The following FKBP1B variants were observed in gnomAD, a reference collection of about 807,000 sequenced individuals.
The protein encoded by FKBP1B is peptidyl-prolyl cis-trans isomerase FKBP1B.
In FKBP1B, 4 loss-of-function variants were observed where a neutral mutation model predicts 13.5. That is an observed-to-expected ratio of 0.30 (90% CI 0.15 to 0.68). FKBP1B has a LOEUF of 0.68. Among genes scored for constraint, FKBP1B ranks in the 30% least tolerant of loss-of-function variants. The pLI, the probability that FKBP1B is intolerant of heterozygous loss-of-function variation, is 0.76. For missense variants in FKBP1B, 93 were observed against 136.2 expected (o/e 0.68, Z 1.58); for synonymous variants, 54 against 53.6 (o/e 1.01, Z -0.03).
the FKBP1B span, among the ~76,000 whole-genome samples, chr2:24,037,302 C>T: frequency 6.6e-6 from 1 of 152,212 alleles, no homozygotes; most frequent in Non-Finnish European, 1.5e-5. Context: ...GGATTACAGG[C>T]GTGAGCCATG....
upstream of FKBP1B, chr2:24,049,721 G>A (rs1663754694): frequency 1.4e-6 from 1 of 702,014 alleles, no homozygotes. Context: ...CCCGACTCCA[G>A]CCGCACCTCC....
At chr2:24,039,569 T>C in the FKBP1B span, 5 of 1,503,844 alleles carry the variant, frequency 3.3e-6, no homozygotes, top group East Asian at 1.1e-4. Flanking sequence ...ATCTAGAATG[T>C]AGGACATTTG....
At position 24,053,770 on chromosome 2, in the gene FKBP1B, G is replaced by T. The variant is rs944069540; in HGVS notation, c.38-132G>T. 7 of 864,324 alleles carry T rather than the reference G, an allele frequency of 8.1e-6. No homozygotes were observed. The African/African-American group carries it at 1.1e-4, about 14-fold the overall frequency. 53.5% of individuals were successfully genotyped at this position (864,324 alleles called of 1,614,324 possible). On this transcript the variant is annotated intron_variant, in intron 1 of 3. Coordinates refer to ENST00000380986, the MANE Select transcript of FKBP1B (RefSeq NM_004116.5). ...CTGGCTCGTACAGGGCCCAGAGCCAGAACTAGGGCCACAGGCATCTCCATG... is the reference window on the plus strand; with the variant it reads ...CTGGCTCGTACAGGGCCCAGAGCCATAACTAGGGCCACAGGCATCTCCATG...
At chr2:24,062,771 T>C (rs964833963) in intron 3 of FKBP1B, among the ~76,000 whole-genome samples, 2 of 152,198 alleles carry the variant, frequency 1.3e-5, no homozygotes, top group African/African-American at 4.8e-5. Context: ...TATGAACAAA[T>C]GGAAGTGTTT....
At chr2:24,062,920 A>G (rs953399641) in intron 3 of FKBP1B, 144 bp from the exon 4 acceptor site, 20 of 1,220,832 alleles carry the variant, frequency 1.6e-5, no homozygotes, top group South Asian at 4.1e-5. Flanking sequence ...CACGATTTCA[A>G]TGTATCCCAT....
chr2:24,049,752 G>A lies in FKBP1B; in HGVS notation c.-98G>A, dbSNP rs1663757330. The A allele has an allele frequency of 3.0e-6, 3 of 1,009,262 alleles. No individual in the cohort carries two copies. Among genetic ancestry groups the A allele is most frequent in the Non-Finnish European group, 3.9e-6 (3 of 772,302 alleles). The allele number at this position is 1,009,262 out of a possible 1,614,324, so 62.5% of individuals were successfully genotyped here. A position where few individuals can be genotyped will look rare whatever the true frequency, so the allele number is the denominator to read the frequency against. On this transcript the variant is annotated 5_prime_UTR_variant, in exon 1 of 4. Transcript: ENST00000380986. ...CCTCCTCCGGCTCTGCAGTGGCGGC[G>A]AGGAGGCGAGCCGGAGCGACGGCGG...
chr2:24,038,740 G>A, the FKBP1B span: 1 of 1,614,130 alleles, frequency 6.2e-7, no homozygotes, highest in South Asian at 1.1e-5. Context: ...ACCAATAACT[G>A]GTAAAGCATA....
At chr2:24,045,250 C>T (rs548961250), upstream of FKBP1B, among the ~76,000 whole-genome samples, 1 of 152,276 alleles carries the variant, frequency 6.6e-6, no homozygotes, top group South Asian at 2.1e-4. Flanking sequence ...GGATAACACC[C>T]AGATTTTTAG....
Position 24,063,096 on chromosome 2 carries a change from C to T in FKBP1B, c.231C>T (p.Cys77=). The change falls in exon 4 of 4, where the codon TGC becomes TGT. Residue 77 remains cysteine, a synonymous_variant. Coordinates refer to ENST00000380986, the MANE Select transcript of FKBP1B (RefSeq NM_004116.5). ...TGGGGCAGAGGGCGAAGCTGACCTG[C>T]ACCCCTGATGTGGCATATGGAGCCA... ...MSLGQRAKLT[C]TPDVAYGATG... The T allele has an allele frequency of 6.2e-7, 1 of 1,614,152 alleles. No individual in the cohort carries two copies. Among genetic ancestry groups the T allele is most frequent in the East Asian group, 2.2e-5 (1 of 44,886 alleles).
At chr2:24,056,173 A>T (rs966659426) in intron 2 of FKBP1B, among the ~76,000 whole-genome samples, 1 of 151,500 alleles carries the variant, frequency 6.6e-6, no homozygotes, top group Non-Finnish European at 1.5e-5. Flanking sequence ...TGTTTCTAGT[A>T]GAGACGGTGT....
At position 24,063,525 on chromosome 2, in the gene FKBP1B, G is replaced by C; in HGVS notation, c.*333G>C. On this transcript the variant is annotated 3_prime_UTR_variant, in exon 4 of 4. Coordinates refer to ENST00000380986, the MANE Select transcript of FKBP1B (RefSeq NM_004116.5). ...ACCTTCACTTAAACCACACACACAA[G>C]GTGCTCAGACATGAAATGTACATGG... 1 of 292,930 alleles carries C rather than the reference G, an allele frequency of 3.4e-6. No individual in the cohort carries two copies. The highest frequency in any genetic ancestry group is 6.4e-6 in the Non-Finnish European group (1 of 157,310). The allele number at this position is 292,930 out of a possible 1,614,324, so 18.1% of individuals were successfully genotyped here.
chr2:24,035,822 G>A, the FKBP1B span, among the ~76,000 whole-genome samples: 1 of 151,778 alleles, frequency 6.6e-6, no homozygotes, highest in African/African-American at 2.4e-5. Flanking sequence ...TGTAATCTCA[G>A]CACTCTGGGA....
At chr2:24,045,219 T>C (rs193277764), upstream of FKBP1B, among the ~76,000 whole-genome samples, 1 of 152,182 alleles carries the variant, frequency 6.6e-6, no homozygotes, top group African/African-American at 2.4e-5. Flanking sequence ...ATATAAGTAG[T>C]GAGGAGGAAA....
chr2:24,062,118 G>A (rs1020694222), intron 3 of FKBP1B, among the ~76,000 whole-genome samples: 5 of 151,980 alleles, frequency 3.3e-5, no homozygotes, highest in Non-Finnish European at 5.9e-5. Context: ...TGATCTGCCC[G>A]CCTCAGCCTC....
In FKBP1B at chr2:24,050,925, C is replaced by T. The variant is rs888718159; in HGVS notation, c.37+1039C>T. Among the ~76,000 whole-genome samples the T allele has an allele frequency of 1.2e-4, 18 of 152,236 alleles. No individual in the cohort carries two copies. The highest frequency in any genetic ancestry group is 4.6e-4 in the Admixed American group (7 of 15,284). ...TGCTGCTGGGTCCCAGAAAGCATCTCCCTGAGGCCTTTTCATCCCTCAGCA... is the reference window on the plus strand; with the variant it reads ...TGCTGCTGGGTCCCAGAAAGCATCTTCCTGAGGCCTTTTCATCCCTCAGCA... On this transcript the variant is annotated intron_variant, in intron 1 of 3. Coordinates refer to ENST00000380986, the MANE Select transcript of FKBP1B (RefSeq NM_004116.5). This position sits in a 1 kb window ranked among gnomAD's most constrained non-coding sequence, Gnocchi z 5.8.
the FKBP1B span, among the ~76,000 whole-genome samples, chr2:24,041,918 T>G: frequency 6.6e-6 from 1 of 151,112 alleles, no homozygotes; most frequent in Non-Finnish European, 1.5e-5. Flanking sequence ...AGGACATTAT[T>G]TGGATAAGCT....
At chr2:24,039,758 T>C in the FKBP1B span, among the ~76,000 whole-genome samples, 29 of 152,148 alleles carry the variant, frequency 1.9e-4, no homozygotes, top group Non-Finnish European at 3.8e-4. Context: ...GAAATCTGAG[T>C]ATGGAATGGA....
the FKBP1B span, among the ~76,000 whole-genome samples, chr2:24,042,940 G>T: frequency 9.9e-5 from 15 of 151,386 alleles, no homozygotes; most frequent in Admixed American, 8.6e-4. Context: ...GGCTGAGGCA[G>T]GAGAATCACT....
chr2:24,061,859 C>T (rs750435183), intron 3 of FKBP1B, among the ~76,000 whole-genome samples: 1 of 151,554 alleles, frequency 6.6e-6, no homozygotes, highest in African/African-American at 2.4e-5. Flanking sequence ...TGCTCCCTTA[C>T]GATAGGTCTT....
Sources: allele counts gnomAD v4.1 joint callset (sites outside exome capture counted in the v4.1 genomes callset), GRCh38; gene constraint gnomAD v4.1.1; non-coding constraint Gnocchi (gnomAD v3.1); transcripts MANE v1.5; gene names NCBI Gene and HGNC (gene_info 2026-07-23, HGNC 2026-07-21).